Variants in SCIN observed in about 807,000 individuals in gnomAD.
SCIN encodes the protein scinderin.
SCIN carries 91 observed loss-of-function variants against 91.8 expected under a neutral mutation model. The observed-to-expected ratio is 0.99, with a 90% confidence interval of 0.84 to 1.18. The LOEUF is 1.18. SCIN is among the 50% of genes most tolerant of loss of function. SCIN has a pLI of 0.00. For missense variants in SCIN, 1,087 were observed against 863.9 expected (o/e 1.26, Z -3.24); for synonymous variants, 367 against 312.6 (o/e 1.17, Z -1.84).
chr7:12,640,594 C>T (rs1034792021), intron 11 of SCIN, 77 bp downstream of exon 11: 2 of 1,292,786 alleles, frequency 1.5e-6, no homozygotes, highest in Admixed American at 7.1e-5. Context: ...AAATATTAGA[C>T]TTTAAAAACT....
intron 8 of SCIN, among the ~76,000 whole-genome samples, chr7:12,627,928 C>A (rs1783561570): frequency 6.6e-6 from 1 of 152,112 alleles, no homozygotes; most frequent in Non-Finnish European, 1.5e-5. Context: ...TATGGGGTGG[C>A]CTCTCTCTAG....
rs186900543 is a variant in SCIN at position 12,599,676 on chromosome 7, A to G, written c.517-4838A>G. Among the ~76,000 whole-genome samples, 167 of 151,854 alleles carry G rather than the reference A, an allele frequency of 1.1e-3. 1 individual carries two copies. The highest frequency in any genetic ancestry group is 2.4e-3 in the Admixed American group (36 of 15,258). ...GTTCCCTTTCACCACACCCACACCA[A>G]CATCTGTTTTTTTTTTATTTTTTCA... On this transcript the variant is annotated intron_variant, in intron 3 of 15. Coordinates refer to ENST00000297029, the MANE Select transcript of SCIN (RefSeq NM_001112706.3).
At chr7:12,582,744 C>G (rs1782513085) in intron 3 of SCIN, among the ~76,000 whole-genome samples, 1 of 152,046 alleles carries the variant, frequency 6.6e-6, no homozygotes, top group Admixed American at 6.6e-5. Flanking sequence ...CCATTCTCCC[C>G]TACCGCCACC....
intron 13 of SCIN, among the ~76,000 whole-genome samples, chr7:12,646,749 A>C (rs901816498): frequency 4.6e-5 from 7 of 152,186 alleles, no homozygotes; most frequent in African/African-American, 1.2e-4. Flanking sequence ...ATAAATGCAA[A>C]CTTCATTTTT....
intron 3 of SCIN, among the ~76,000 whole-genome samples, chr7:12,594,602 A>AG (rs1782798475): frequency 6.6e-6 from 1 of 152,096 alleles, no homozygotes; most frequent in Non-Finnish European, 1.5e-5. Context: ...CCCTGAACGG[A>AG]GGCCGAGAGC....
intron 3 of SCIN, among the ~76,000 whole-genome samples, chr7:12,601,577 C>T (rs10241553): frequency 0.24 from 35,997 of 152,036 alleles, 4,653 homozygotes; most frequent in East Asian, 0.37. Context: ...CAGTCCACCT[C>T]TCCTTGCTAG....
chr7:12,621,778 A>G (rs533141376), intron 4 of SCIN, among the ~76,000 whole-genome samples: 42 of 151,964 alleles, frequency 2.8e-4, no homozygotes, highest in Non-Finnish European at 4.6e-4. Context: ...CCCAGAGGAC[A>G]TAAGTTCTCT....
chr7:12,592,557 G>C (rs1472643695), intron 3 of SCIN, among the ~76,000 whole-genome samples: 6 of 152,020 alleles, frequency 3.9e-5, no homozygotes, highest in Non-Finnish European at 7.4e-5. Flanking sequence ...GGGTACTGGG[G>C]AAAGGGGTCA....
Position 12,604,459 on chromosome 7 carries a change from G to A in SCIN, c.517-55G>A. 3 of 1,480,134 alleles carry A rather than the reference G, an allele frequency of 2.0e-6. No homozygotes were observed. In the South Asian group the frequency reaches 3.7e-5, roughly 18 times the overall value. 91.7% of individuals were successfully genotyped at this position (1,480,134 alleles called of 1,614,324 possible). ...TAATTAATCACAAGTATTACACTGA[G>A]GCTGAATGTCTTCCTCATATTCTTA... On this transcript the variant is annotated intron_variant, in intron 3 of 15. Coordinates refer to ENST00000297029, the MANE Select transcript of SCIN (RefSeq NM_001112706.3).
At chr7:12,606,713 T>A (rs1783086777) in intron 4 of SCIN, among the ~76,000 whole-genome samples, 2 of 152,176 alleles carry the variant, frequency 1.3e-5, no homozygotes, top group Admixed American at 1.3e-4. Context: ...CAGTATTACA[T>A]CTTGGGATGT....
intron 4 of SCIN, among the ~76,000 whole-genome samples, chr7:12,617,544 C>T (rs1314596276): frequency 6.6e-6 from 1 of 152,120 alleles, no homozygotes; most frequent in Non-Finnish European, 1.5e-5. Flanking sequence ...GGCAAATGAC[C>T]TGAAATCTTA....
chr7:12,610,843 A>C (rs1783175852), intron 4 of SCIN, among the ~76,000 whole-genome samples: 1 of 152,206 alleles, frequency 6.6e-6, no homozygotes, highest in African/African-American at 2.4e-5. Flanking sequence ...ATACTGTCCC[A>C]CATATTAGGC....
rs1783528108 is a variant in SCIN at position 12,626,665 on chromosome 7, G to C, written c.1063G>C (p.Gly355Arg). ...CTGGAGAGATAAAGATCAGAGTGAT[G>C]GCTTCGGGAAAGTTTATGTCACAGA... is the stretch of plus-strand genomic sequence containing the variant. Reference protein sequence around the residue: ...KDWRDKDQSDGFGKVYVTEKV... With the variant: ...KDWRDKDQSDRFGKVYVTEKV... Residue 355 changes from glycine (G) to arginine (R), a missense_variant, in exon 8 of 16, where the codon GGC (glycine) becomes CGC (arginine). By Grantham distance (125) the Gly-to-Arg change is moderately radical (BLOSUM62 -2). Coordinates refer to ENST00000297029, the MANE Select transcript of SCIN (RefSeq NM_001112706.3). 12 of 1,562,788 alleles carry C rather than the reference G, an allele frequency of 7.7e-6. No homozygotes were observed. Among genetic ancestry groups the C allele is most frequent in the Non-Finnish European group, 9.5e-6 (11 of 1,152,956 alleles).
At chr7:12,615,586 G>A (rs756379207) in intron 4 of SCIN, among the ~76,000 whole-genome samples, 3 of 152,058 alleles carry the variant, frequency 2.0e-5, no homozygotes, top group Non-Finnish European at 4.4e-5. Flanking sequence ...CTTTATAGCA[G>A]TGTGAAAATT....
intron 10 of SCIN, among the ~76,000 whole-genome samples, chr7:12,638,320 C>A (rs115217919): frequency 0.014 from 2,128 of 152,244 alleles, 46 homozygotes; most frequent in African/African-American, 0.05. Context: ...CTAGCTGGAG[C>A]TGCACACACT....
intron 10 of SCIN, among the ~76,000 whole-genome samples, chr7:12,639,478 G>A (rs1279826366): frequency 6.6e-6 from 1 of 152,222 alleles, no homozygotes; most frequent in Non-Finnish European, 1.5e-5. Flanking sequence ...ACCAGGGGAA[G>A]TGAGACAGTT....
At chr7:12,599,450 T>C (rs1350397255) in intron 3 of SCIN, among the ~76,000 whole-genome samples, 2 of 152,090 alleles carry the variant, frequency 1.3e-5, no homozygotes, top group African/African-American at 4.8e-5. Flanking sequence ...GGTCCCATAT[T>C]CTTGCAATTG....
At chr7:12,609,584 A>C (rs1248036168) in intron 4 of SCIN, among the ~76,000 whole-genome samples, 1 of 152,044 alleles carries the variant, frequency 6.6e-6, no homozygotes, top group Non-Finnish European at 1.5e-5. Context: ...TAAGAAAAAA[A>C]CCCAGCATCT....
intron 4 of SCIN, among the ~76,000 whole-genome samples, chr7:12,613,801 G>A (rs1002172382): frequency 1.3e-5 from 2 of 152,066 alleles, no homozygotes; most frequent in Admixed American, 6.6e-5. Context: ...GGAAAGGATG[G>A]TTTCTTCATG....
Sources: gnomAD v4.1 joint callset for allele counts (sites outside exome capture counted in the v4.1 genomes callset) on GRCh38, gnomAD v4.1.1 for gene constraint, MANE v1.5 for transcripts, NCBI Gene and HGNC (gene_info 2026-07-23, HGNC 2026-07-21) for gene names.